The following MSI2 variants were observed in gnomAD, a reference collection of about 807,000 sequenced individuals.
The protein encoded by MSI2 is RNA-binding protein Musashi homolog 2.
In MSI2, 17 loss-of-function variants were observed where a neutral mutation model predicts 45.6. The observed-to-expected ratio is 0.37, with a 90% CI of 0.26 to 0.56. The LOEUF is 0.56. Among genes scored for constraint, MSI2 ranks in the 20% least tolerant of loss-of-function variants. The pLI is 0.77. For missense variants in MSI2, 293 were observed against 444.2 expected (o/e 0.66, Z 3.06); for synonymous variants, 156 against 158.2 (o/e 0.99, Z 0.11).
intron 5 of MSI2, among the ~76,000 whole-genome samples, chr17:57,391,366 C>G (rs916776316): frequency 6.6e-6 from 1 of 152,138 alleles, no homozygotes; most frequent in Non-Finnish European, 1.5e-5. Flanking sequence ...TTTTATAGAA[C>G]GGAGAACGTG....
intron 3 of MSI2, among the ~76,000 whole-genome samples, chr17:57,257,926 TA>T (rs1482863478): frequency 6.6e-6 from 1 of 152,034 alleles, no homozygotes; most frequent in Non-Finnish European, 1.5e-5. Flanking sequence ...AAGATGGTGG[TA>T]AATCTCTTCT....
intron 5 of MSI2, among the ~76,000 whole-genome samples, chr17:57,310,811 G>C (rs1216555355): frequency 6.6e-5 from 10 of 152,050 alleles, no homozygotes; most frequent in Non-Finnish European, 1.2e-4. Context: ...TCCTAGAGAG[G>C]CCCGAGAGCC....
intron 6 of MSI2, among the ~76,000 whole-genome samples, chr17:57,514,166 G>A (rs2086418141): frequency 6.6e-6 from 1 of 152,112 alleles, no homozygotes; most frequent in South Asian, 2.1e-4. Flanking sequence ...ATTTCAAGGG[G>A]GTCTTGAGAG....
chr17:57,687,683 C>A (rs1389017726), downstream of MSI2, among the ~76,000 whole-genome samples: 1 of 151,958 alleles, frequency 6.6e-6, no homozygotes, highest in Non-Finnish European at 1.5e-5. Context: ...TAAACTATTC[C>A]AGATGATAGA....
At chr17:57,642,630 A>G (rs1279047873) in intron 10 of MSI2, among the ~76,000 whole-genome samples, 15 of 152,190 alleles carry the variant, frequency 9.9e-5, no homozygotes. Flanking sequence ...CCAGTCCCAT[A>G]AATAGAGCCC....
intron 5 of MSI2, among the ~76,000 whole-genome samples, chr17:57,367,507 G>A (rs1415725440): frequency 1.3e-5 from 2 of 152,152 alleles, no homozygotes; most frequent in East Asian, 3.9e-4. Context: ...CCTTGGAGAG[G>A]CCTTTGGTTC....
chr17:57,426,644 GGTGACTGTGCC>G (rs2084497645), intron 6 of MSI2, among the ~76,000 whole-genome samples: 1 of 152,238 alleles, frequency 6.6e-6, no homozygotes, highest in African/African-American at 2.4e-5. Context: ...CAGGTGCTGA[GGTGACTGTGCC>G]GTGACAGTGT....
At chr17:57,495,120 C>A (rs1040638979) in intron 6 of MSI2, among the ~76,000 whole-genome samples, 40 of 152,198 alleles carry the variant, frequency 2.6e-4, no homozygotes, top group Non-Finnish European at 3.4e-4. Flanking sequence ...TCTGAACTGA[C>A]GCTCTCTCTT....
intron 6 of MSI2, among the ~76,000 whole-genome samples, chr17:57,506,244 G>A (rs999642945): frequency 6.6e-6 from 1 of 152,182 alleles, no homozygotes; most frequent in African/African-American, 2.4e-5. Context: ...TTTGAAAGGC[G>A]TGGGCTCATC....
intron 6 of MSI2, among the ~76,000 whole-genome samples, chr17:57,500,876 T>C (rs2086090914): frequency 6.8e-6 from 1 of 146,616 alleles, no homozygotes; most frequent in African/African-American, 2.5e-5. Context: ...GGTGGGAGGA[T>C]CACTTGAGTC....
intron 7 of MSI2, among the ~76,000 whole-genome samples, chr17:57,540,435 A>T (rs376625323): frequency 1.1e-3 from 171 of 152,322 alleles, no homozygotes; most frequent in Middle Eastern, 6.8e-3. Flanking sequence ...CTCCAAAAGC[A>T]TAAGTTGAAG....
intron 6 of MSI2, among the ~76,000 whole-genome samples, chr17:57,441,787 T>G (rs534249479): frequency 6.6e-6 from 1 of 152,330 alleles, no homozygotes; most frequent in African/African-American, 2.4e-5. Flanking sequence ...GGGAAGTACT[T>G]AAAGCATGTT....
chr17:57,256,516 G>A, upstream of MSI2: 1 of 305,780 alleles, frequency 3.3e-6, no homozygotes, highest in Non-Finnish European at 5.9e-6. Context: ...GGCGGGGACG[G>A]GGGGGTGTGC....
chr17:57,498,624 TGTGCCGC>T, intron 6 of MSI2, among the ~76,000 whole-genome samples: 1 of 152,232 alleles, frequency 6.6e-6, no homozygotes, highest in African/African-American at 2.4e-5. Context: ...GGCTTCTTCC[TGTGCCGC>T]GCGGGGAGCT....
At chr17:57,536,780 C>T (rs1432467359) in intron 7 of MSI2, among the ~76,000 whole-genome samples, 1 of 152,174 alleles carries the variant, frequency 6.6e-6, no homozygotes, top group Non-Finnish European at 1.5e-5. Flanking sequence ...CCTGGCCTCC[C>T]AGAGCTTTCA....
intron 5 of MSI2, among the ~76,000 whole-genome samples, chr17:57,385,088 C>T (rs2083662256): frequency 6.6e-6 from 1 of 152,130 alleles, no homozygotes; most frequent in South Asian, 2.1e-4. Flanking sequence ...TTCAGGGTCC[C>T]TTCATCTTGA....
intron 10 of MSI2, among the ~76,000 whole-genome samples, chr17:57,633,533 G>T (rs767871642): frequency 2.0e-5 from 3 of 152,208 alleles, no homozygotes; most frequent in Non-Finnish European, 2.9e-5. Context: ...TTACCCTCGC[G>T]CCCACGGGCC....
At chr17:57,436,383 G>A (rs572388784) in intron 6 of MSI2, among the ~76,000 whole-genome samples, 1 of 152,338 alleles carries the variant, frequency 6.6e-6, no homozygotes, top group South Asian at 2.1e-4. Context: ...ACTGGGACTG[G>A]GAACAGATTA....
intron 7 of MSI2, among the ~76,000 whole-genome samples, chr17:57,594,373 G>A (rs1414358523): frequency 2.0e-5 from 3 of 152,318 alleles, no homozygotes; most frequent in Admixed American, 6.5e-5. Flanking sequence ...GAGTGCTCCA[G>A]GGGTCCTTGA....
Sources: allele counts gnomAD v4.1 joint callset (sites outside exome capture counted in the v4.1 genomes callset), GRCh38; gene constraint gnomAD v4.1.1; transcripts MANE v1.5; gene names NCBI Gene and HGNC (gene_info 2026-07-23, HGNC 2026-07-21).